Variants in RELN observed in about 807,000 individuals in gnomAD.
The protein encoded by RELN is reelin.
In RELN, 108 loss-of-function variants were observed where a neutral mutation model predicts 427.6. The ratio of observed to expected loss-of-function variants is 0.25; its 90% CI spans 0.22 to 0.30. The LOEUF (loss-of-function observed/expected upper bound fraction) is 0.30. RELN is among the 10% of genes least tolerant of loss of function. The pLI is 1.00. For missense variants in RELN, 3,715 were observed against 4,302.8 expected (o/e 0.86, Z 3.82); for synonymous variants, 1,524 against 1,513.4 (o/e 1.01, Z -0.16).
At chr7:103,763,232 C>T (rs762188039) in intron 4 of RELN, among the ~76,000 whole-genome samples, 1 of 152,164 alleles carries the variant, frequency 6.6e-6, no homozygotes, top group Non-Finnish European at 1.5e-5. Flanking sequence ...TATAAAAGCA[C>T]TTCTGGGGAC....
At chr7:103,844,423 C>A (rs903596679) in intron 2 of RELN, among the ~76,000 whole-genome samples, 1 of 152,196 alleles carries the variant, frequency 6.6e-6, no homozygotes, top group Non-Finnish European at 1.5e-5. Flanking sequence ...AGATTCTGGA[C>A]AAACTAATAA....
chr7:103,557,698 G>C (rs576750697), intron 37 of RELN, among the ~76,000 whole-genome samples: 1 of 152,222 alleles, frequency 6.6e-6, no homozygotes, highest in Admixed American at 6.5e-5. Context: ...GTGGTGGAAA[G>C]ACTCAGGGAC....
At chr7:103,653,941 T>C (rs1832974387) in intron 13 of RELN, 152 bp downstream of exon 13, 2 of 647,884 alleles carry the variant, frequency 3.1e-6, no homozygotes, top group Non-Finnish European at 5.6e-6. Flanking sequence ...AAGGTTAAAA[T>C]GTCTATTTCA....
intron 2 of RELN, among the ~76,000 whole-genome samples, chr7:103,855,511 A>T (rs1340216922): frequency 6.6e-6 from 1 of 152,260 alleles, no homozygotes; most frequent in East Asian, 1.9e-4. Flanking sequence ...CAGGCAAGGC[A>T]TGAGAAGGGC....
At chr7:103,828,132 C>A (rs2116392750) in intron 3 of RELN, among the ~76,000 whole-genome samples, 1 of 152,026 alleles carries the variant, frequency 6.6e-6, no homozygotes, top group South Asian at 2.1e-4. Context: ...AAATGGGCAA[C>A]CATGCAATAT....
chr7:103,494,394 G>GTGTGTGTGTGTGTGTGAGT lies in RELN; in HGVS notation c.9369+1328_9369+1329insACTCACACACACACACACA, dbSNP rs774896895. Among the ~76,000 whole-genome samples the GTGTGTGTGTGTGTGTGAGT allele has an allele frequency of 2.2e-5, 3 of 134,546 alleles. No individual in the cohort carries two copies. The South Asian group carries it at 7.4e-4, about 33-fold the overall frequency. The allele number at this position is 134,546 out of a possible 152,430, so 88.3% of individuals were successfully genotyped here. ...GTGTGTGTGTGTGTGTGTGTGTGTG[G>GTGTGTGTGTGTGTGTGAGT]GATATGGTCTTGTTCTGTTGCCCTA... On this transcript the variant is annotated intron_variant, in intron 57 of 64. Coordinates refer to ENST00000428762, the MANE Select transcript of RELN (RefSeq NM_005045.4).
chr7:103,534,492 TA>T (rs1317210430), intron 46 of RELN, among the ~76,000 whole-genome samples: 1 of 82,312 alleles, frequency 1.2e-5, no homozygotes, highest in East Asian at 2.3e-4. Flanking sequence ...CTTTAATTTT[TA>T]ATTTTTTTTT....
rs1415613699 is a variant in RELN, at chr7:103,500,748, C to T, written c.8664G>A (p.Leu2888=). 1.2e-6 allele frequency: 2 copies of T among 1,614,014 alleles called. No individual in the cohort carries two copies. The highest frequency in any genetic ancestry group is 1.7e-6 in the Non-Finnish European group (2 of 1,179,948). The change falls in exon 53 of 65, where the codon CTG becomes CTA. Residue 2888 remains leucine (L), a synonymous_variant. Transcript: ENST00000428762. ...TTGTCCAGGGCTTTACCCTTACCTT[C>T]AGAGTGTGGGTCAAGTAGCAGTTTG... ...SGPNCYLTHT[L]KTFLKERFDS...
At chr7:103,817,363 A>T (rs1048144554) in intron 3 of RELN, among the ~76,000 whole-genome samples, 11 of 152,208 alleles carry the variant, frequency 7.2e-5, no homozygotes, top group Admixed American at 5.2e-4. Flanking sequence ...GGACAGGCAG[A>T]TACCCAGAAG....
chr7:103,709,811 T>C (rs368936066), intron 8 of RELN, among the ~76,000 whole-genome samples: 8 of 152,178 alleles, frequency 5.3e-5, no homozygotes, highest in African/African-American at 1.7e-4. Flanking sequence ...AAATAAAAAA[T>C]ATTGTTTTGC....
chr7:103,618,089 C>T (rs777427882), intron 20 of RELN, among the ~76,000 whole-genome samples: 13 of 152,194 alleles, frequency 8.5e-5, no homozygotes, highest in Non-Finnish European at 1.5e-4. Context: ...TTACAAATTA[C>T]CCAGCCTCGG....
chr7:103,897,161 G>A (rs1366605946), intron 2 of RELN, among the ~76,000 whole-genome samples: 1 of 152,080 alleles, frequency 6.6e-6, no homozygotes, highest in African/African-American at 2.4e-5. Context: ...CACAACACGT[G>A]GGGATTATTA....
chr7:103,721,706 G>C (rs1790081033), intron 8 of RELN, among the ~76,000 whole-genome samples: 1 of 152,058 alleles, frequency 6.6e-6, no homozygotes, highest in Non-Finnish European at 1.5e-5. Flanking sequence ...TGATTCTCTT[G>C]TGTTCTTTAA....
At chr7:103,929,981 A>G (rs933513566) in intron 1 of RELN, among the ~76,000 whole-genome samples, 2 of 152,276 alleles carry the variant, frequency 1.3e-5, no homozygotes, top group African/African-American at 4.8e-5. Context: ...GAACATGCAA[A>G]TAATGAGGAT....
In RELN at chr7:103,563,567, T is replaced by C. The variant is rs942425540; in HGVS notation, c.5211-1614A>G. 1.1e-4 allele frequency among the ~76,000 whole-genome samples: 16 copies of C among 152,246 alleles called. No individual in the cohort carries two copies. The highest frequency in any genetic ancestry group is 9.8e-4 in the Admixed American group (15 of 15,290). On this transcript the variant is annotated intron_variant, in intron 34 of 64. Transcript: ENST00000428762. This position sits in a 1 kb window ranked among gnomAD's most constrained non-coding sequence, Gnocchi z 4.1. ...AAGTTATAGTAAGGTAAATTTATTA[T>C]TGAAGAAAGAAAAATATTCTTTTTT...
At chr7:103,566,568 GC>G in intron 32 of RELN, 32 bp downstream of exon 32, 1 of 1,613,536 alleles carries the variant, frequency 6.2e-7, no homozygotes, top group South Asian at 1.1e-5. Flanking sequence ...TGACCTAAAA[GC>G]TACCAGAAAG....
chr7:103,525,118 C>A (rs1829794054), intron 46 of RELN, among the ~76,000 whole-genome samples: 1 of 152,106 alleles, frequency 6.6e-6, no homozygotes. Context: ...GTCTCTCTCT[C>A]TTCCTCTCCC....
intron 2 of RELN, among the ~76,000 whole-genome samples, chr7:103,875,927 A>G (rs1187709132): frequency 6.6e-6 from 1 of 152,172 alleles, no homozygotes; most frequent in African/African-American, 2.4e-5. Context: ...TTTTAAGCAC[A>G]TGTGAGAGAC....
At chr7:103,672,535 A>G (rs1833416002) in intron 11 of RELN, among the ~76,000 whole-genome samples, 8 of 152,180 alleles carry the variant, frequency 5.3e-5, no homozygotes, top group Admixed American at 5.2e-4. Context: ...TCAAAAGAAA[A>G]TCAGAAAAAG....
Sources: gnomAD v4.1 joint callset for allele counts (sites outside exome capture counted in the v4.1 genomes callset) on GRCh38, gnomAD v4.1.1 for gene constraint, Gnocchi (gnomAD v3.1) non-coding constraint, MANE v1.5 for transcripts, NCBI Gene and HGNC (gene_info 2026-07-23, HGNC 2026-07-21) for gene names.